Variants in GLCE observed in about 807,000 individuals in gnomAD.
The protein encoded by GLCE is D-glucuronyl C5-epimerase.
GLCE carries 19 observed loss-of-function variants against 47.9 expected under a neutral mutation model. That is an observed-to-expected ratio of 0.40 (90% CI 0.28 to 0.58). The LOEUF (loss-of-function observed/expected upper bound fraction) is 0.58, where lower values mean the gene tolerates loss of function less well. Ranked by LOEUF, GLCE falls within the 20% of genes least tolerant of loss-of-function variation. The probability of loss-of-function intolerance (pLI) is 0.48; values close to 1 mark genes in which losing one functional copy is unlikely to be tolerated. For synonymous variants in GLCE, 245 were observed against 263.4 expected (o/e 0.93, Z 0.68); for missense variants, 556 against 743.3 (o/e 0.75, Z 2.93).
chr15:69,246,024 C>T (rs906349940), intron 2 of GLCE, among the ~76,000 whole-genome samples: 11 of 152,178 alleles, frequency 7.2e-5, no homozygotes, highest in Admixed American at 7.2e-4. Flanking sequence ...CCACCGCGCC[C>T]GGCCAGTCGT....
At chr15:69,260,995 G>A in intron 3 of GLCE, 92 bp from the exon 4 acceptor site, 6 of 1,216,136 alleles carry the variant, frequency 4.9e-6, no homozygotes, top group Non-Finnish European at 7.0e-6. Flanking sequence ...AACCCTGTAA[G>A]ATCCCCCAGA....
At chr15:69,248,728 G>A (rs2052791778) in intron 2 of GLCE, among the ~76,000 whole-genome samples, 1 of 152,094 alleles carries the variant, frequency 6.6e-6, no homozygotes, top group African/African-American at 2.4e-5. Flanking sequence ...AGCCTCCCAA[G>A]TAGCTGGGAC....
intron 1 of GLCE, among the ~76,000 whole-genome samples, chr15:69,196,133 C>G (rs2140357834): frequency 6.6e-6 from 1 of 152,164 alleles, no homozygotes; most frequent in African/African-American, 2.4e-5. Context: ...CAGGGAAGAA[C>G]ATTCCTGTTC....
In GLCE at chr15:69,268,786, T is replaced by C. The variant is rs770622304; in HGVS notation, c.1396T>C (p.Phe466Leu). The C allele has an allele frequency of 6.2e-7, 1 of 1,614,062 alleles. No homozygotes were observed. The highest frequency in any genetic ancestry group is 8.5e-7 in the Non-Finnish European group (1 of 1,179,906). ...RAYLLTKDHI[F>L]LNSALRATAP... ...CTATCTGTTAACAAAAGACCATATA[T>C]TCCTCAATTCAGCTTTAAGGGCAAC... The change falls in exon 5 of 5, where the codon TTC becomes CTC. Residue 466 changes from phenylalanine to leucine, a missense_variant. Phe to Leu is a conservative substitution (Grantham distance 22). Transcript: ENST00000261858.
chr15:69,223,883 T>G (rs890453864), intron 2 of GLCE, among the ~76,000 whole-genome samples: 3 of 152,216 alleles, frequency 2.0e-5, no homozygotes, highest in African/African-American at 7.2e-5. Flanking sequence ...CATTTTGTAC[T>G]TCTCAGCTCC....
intron 1 of GLCE, 92 bp from the exon 2 acceptor site, chr15:69,210,224 G>T (rs1051540676): frequency 1.3e-5 from 2 of 152,002 alleles, no homozygotes; most frequent in African/African-American, 2.4e-5. Context: ...TTCTGTCCAG[G>T]TCTTATAGCT....
At chr15:69,264,538 C>T (rs2053059541) in intron 4 of GLCE, among the ~76,000 whole-genome samples, 1 of 152,110 alleles carries the variant, frequency 6.6e-6, no homozygotes, top group Non-Finnish European at 1.5e-5. Flanking sequence ...GATTTCATTT[C>T]CTTGGGTTGT....
chr15:69,256,509 C>A, intron 3 of GLCE, 117 bp downstream of exon 3: 1 of 744,834 alleles, frequency 1.3e-6, no homozygotes, highest in Non-Finnish European at 2.2e-6. Context: ...TTTCATCACT[C>A]TAATTTAGCA....
chr15:69,266,735 A>G (rs2053092429), intron 4 of GLCE: 3 of 946,312 alleles, frequency 3.2e-6, no homozygotes, highest in Non-Finnish European at 3.8e-6. Flanking sequence ...GAATATTCTC[A>G]TAAGAATACC....
intron 1 of GLCE, among the ~76,000 whole-genome samples, chr15:69,185,989 C>G (rs1482616310): frequency 1.3e-5 from 2 of 152,072 alleles, no homozygotes; most frequent in South Asian, 2.1e-4. Flanking sequence ...GAAATACTTG[C>G]TTACCTTTAG....
At chr15:69,163,771 A>G (rs1483529748) in intron 1 of GLCE, among the ~76,000 whole-genome samples, 1 of 152,224 alleles carries the variant, frequency 6.6e-6, no homozygotes, top group Non-Finnish European at 1.5e-5. Flanking sequence ...AGTACAAGTT[A>G]GAGAAACCCT....
intron 2 of GLCE, among the ~76,000 whole-genome samples, chr15:69,245,285 A>G (rs2052730545): frequency 6.7e-6 from 1 of 149,842 alleles, no homozygotes; most frequent in African/African-American, 2.5e-5. Flanking sequence ...GTGAGCCGAG[A>G]TCACATCACT....
At chr15:69,195,579 A>T (rs941333537) in intron 1 of GLCE, among the ~76,000 whole-genome samples, 17 of 152,234 alleles carry the variant, frequency 1.1e-4, no homozygotes, top group Non-Finnish European at 2.1e-4. Flanking sequence ...TATCCATGGA[A>T]AACTATTTTT....
At chr15:69,184,508 A>G (rs78650003) in intron 1 of GLCE, among the ~76,000 whole-genome samples, 27 of 152,366 alleles carry the variant, frequency 1.8e-4, no homozygotes, top group African/African-American at 6.3e-4. Flanking sequence ...TTAGAAATCC[A>G]AGAGACCATG....
intron 3 of GLCE, among the ~76,000 whole-genome samples, chr15:69,258,332 CT>C (rs1416490902): frequency 6.6e-6 from 1 of 151,590 alleles, no homozygotes; most frequent in Non-Finnish European, 1.5e-5. Context: ...TGATCTCTTT[CT>C]TTTTTATGGC....
intron 2 of GLCE, among the ~76,000 whole-genome samples, chr15:69,225,949 T>G (rs1566961535): frequency 6.6e-6 from 1 of 152,168 alleles, no homozygotes; most frequent in African/African-American, 2.4e-5. Context: ...TGCCTCCCAG[T>G]GTTACATATA....
intron 1 of GLCE, among the ~76,000 whole-genome samples, chr15:69,163,424 G>A (rs2140320415): frequency 6.6e-6 from 1 of 152,282 alleles, no homozygotes; most frequent in South Asian, 2.1e-4. Context: ...AAATACACAA[G>A]GTACTTAAGA....
At chr15:69,249,724 A>G (rs1458878185) in intron 2 of GLCE, among the ~76,000 whole-genome samples, 1 of 152,208 alleles carries the variant, frequency 6.6e-6, no homozygotes, top group African/African-American at 2.4e-5. Context: ...ATATTTTGAA[A>G]GCTCATGATG....
Position 69,261,277 on chromosome 15 carries a change from G to C in GLCE, c.777G>C (p.Ala259=). Residue 259 remains alanine (A), a synonymous_variant, in exon 4 of 5, where the codon GCG becomes GCC. Coordinates refer to ENST00000261858, the MANE Select transcript of GLCE (RefSeq NM_015554.3). ...DWTVPKGCFM[A]NVADKSRFTN... is the part of the protein sequence containing the mutation. Reference sequence around the variant, plus strand: ...CTGTGCCAAAGGGCTGCTTTATGGCGAATGTGGCTGATAAGTCTAGATTCA... The same window carrying C: ...CTGTGCCAAAGGGCTGCTTTATGGCCAATGTGGCTGATAAGTCTAGATTCA... 2 of 1,613,976 alleles carry C rather than the reference G, an allele frequency of 1.2e-6. No homozygotes were observed. The highest frequency in any genetic ancestry group is 8.5e-7 in the Non-Finnish European group (1 of 1,179,956).
Sources: allele counts gnomAD v4.1 joint callset (sites outside exome capture counted in the v4.1 genomes callset), GRCh38; gene constraint gnomAD v4.1.1; transcripts MANE v1.5; gene names NCBI Gene and HGNC (gene_info 2026-07-23, HGNC 2026-07-21).